KLHL7: variants seen among roughly 807,000 people sequenced by gnomAD.
KLHL7 encodes kelch-like protein 7.
KLHL7 carries 44 observed loss-of-function variants against 67.4 expected under a neutral mutation model. The observed-to-expected ratio is 0.65, with a 90% CI of 0.51 to 0.84. The LOEUF (loss-of-function observed/expected upper bound fraction) is 0.84, where lower values mean the gene tolerates loss of function less well. Ranked by LOEUF, KLHL7 falls within the 40% of genes least tolerant of loss-of-function variation. KLHL7 has a pLI of 0.00. For synonymous variants in KLHL7, 252 were observed against 243.3 expected, an observed-to-expected ratio of 1.04 and a Z score of -0.33; for missense variants, 362 against 718.1, an observed-to-expected ratio of 0.50 and a Z score of 5.67.
chr7:23,106,193 G>A (rs1392955963), intron 1 of KLHL7, 47 bp downstream of exon 1: 1 of 1,596,942 alleles, frequency 6.3e-7, no homozygotes, highest in Non-Finnish European at 8.5e-7. Flanking sequence ...GGTGGTCCGG[G>A]GCTCGGGCCC....
At chr7:23,124,327 A>G (rs921403937) in intron 2 of KLHL7, among the ~76,000 whole-genome samples, 1 of 151,658 alleles carries the variant, frequency 6.6e-6, no homozygotes, top group African/African-American at 2.4e-5. Context: ...TAGCTGTAGC[A>G]TATTGTGCCA....
intron 4 of KLHL7, among the ~76,000 whole-genome samples, chr7:23,128,422 T>TAAAAA (rs201757686): frequency 5.1e-5 from 6 of 116,862 alleles, no homozygotes; most frequent in Admixed American, 1.0e-4. Context: ...TCTTTGGGTT[T>TAAAAA]AAAAAAAAAA....
intron 4 of KLHL7, chr7:23,125,671 A>T (rs529479812): frequency 2.2e-6 from 3 of 1,382,874 alleles, no homozygotes; most frequent in Non-Finnish European, 2.8e-6. Context: ...ACTAGAAAAC[A>T]TAACCTTAGT....
At chr7:23,158,401 A>G (rs1445029376) in intron 7 of KLHL7, among the ~76,000 whole-genome samples, 2 of 152,292 alleles carry the variant, frequency 1.3e-5, no homozygotes, top group East Asian at 3.9e-4. Flanking sequence ...CATGTCACCA[A>G]TAATTAATAT....
intron 4 of KLHL7, among the ~76,000 whole-genome samples, chr7:23,125,557 G>T (rs966622000): frequency 7.9e-5 from 12 of 152,138 alleles, no homozygotes; most frequent in African/African-American, 2.9e-4. Flanking sequence ...CTTGCCAGAG[G>T]TCACATAGCT....
At chr7:23,145,385 G>A (rs1316185858) in intron 6 of KLHL7, among the ~76,000 whole-genome samples, 1 of 151,804 alleles carries the variant, frequency 6.6e-6, no homozygotes, top group Admixed American at 6.6e-5. Context: ...TCACTCTAAA[G>A]TAGTCTTTGT....
rs971721173 is a variant in KLHL7 at position 23,172,861 on chromosome 7, A to T, written c.1380-87A>T. ...ACACATATGTGAGTAGTAAATGAGC[A>T]CTTAATTAGAATAATAGACCTTTCT... On this transcript the variant is annotated intron_variant, in intron 9 of 10. Transcript: ENST00000339077. The T allele has an allele frequency of 7.2e-6, 7 of 967,608 alleles. No individual in the cohort carries two copies. The African/African-American group carries it at 1.1e-4, about 16-fold the overall frequency. 59.9% of individuals were successfully genotyped at this position (967,608 alleles called of 1,614,324 possible). A position where few individuals can be genotyped will look rare whatever the true frequency, so the allele number is the denominator to read the frequency against.
Position 23,105,966 on chromosome 7 carries a change from C to CA in KLHL7, c.-60dup. 6.3e-7 allele frequency: 1 copy of CA among 1,582,662 alleles called. No individual in the cohort carries two copies. Among genetic ancestry groups the CA allele is most frequent in the South Asian group, 1.2e-5 (1 of 86,840 alleles). On this transcript the variant is annotated 5_prime_UTR_variant, in exon 1 of 11. Transcript: ENST00000339077. Reference sequence around the variant, plus strand: ...TGGTCGATAGAATCCCCAGTGTGCCCAGAGAGTGCGACCCCTCGCCCGGCC... The same window carrying CA: ...TGGTCGATAGAATCCCCAGTGTGCCCAAGAGAGTGCGACCCCTCGCCCGGCC...
At chr7:23,152,932 C>G (rs995446402) in intron 7 of KLHL7, among the ~76,000 whole-genome samples, 1 of 152,144 alleles carries the variant, frequency 6.6e-6, no homozygotes, top group African/African-American at 2.4e-5. Context: ...GGATAACACC[C>G]CAAACTTGCA....
intron 2 of KLHL7, 30 bp downstream of exon 2, chr7:23,123,909 A>T: frequency 7.2e-7 from 1 of 1,386,336 alleles, no homozygotes; most frequent in Non-Finnish European, 1.0e-6. Flanking sequence ...ACATGCCATT[A>T]TTTCTTCTAT....
chr7:23,122,437 G>A (rs1460498545), intron 1 of KLHL7, among the ~76,000 whole-genome samples: 1 of 151,936 alleles, frequency 6.6e-6, no homozygotes, highest in East Asian at 1.9e-4. Context: ...AGTTAACTTG[G>A]TTATGCTACT....
intron 7 of KLHL7, among the ~76,000 whole-genome samples, chr7:23,155,338 T>TC: frequency 6.6e-6 from 1 of 152,068 alleles, no homozygotes; most frequent in East Asian, 1.9e-4. Flanking sequence ...ACTTTTTTTT[T>TC]CCCCAAAGAA....
In KLHL7 at chr7:23,125,188, T is replaced by C; in HGVS notation, c.442+16T>C. 2 of 1,611,860 alleles carry C rather than the reference T, an allele frequency of 1.2e-6. No homozygotes were observed. Among genetic ancestry groups the C allele is most frequent in the Non-Finnish European group, 1.7e-6 (2 of 1,178,508 alleles). On this transcript the variant is annotated intron_variant, in intron 4 of 10. Transcript: ENST00000339077. ...AATTGTCTTGGTAAGAAATATCAGA[T>C]TCCTGTTGTGTGTTTATTTTGTTTT...
Position 23,120,723 on chromosome 7 carries a change from C to A in KLHL7, c.121-3054C>A, listed in dbSNP as rs554912024. On this transcript the variant is annotated intron_variant, in intron 1 of 10. Coordinates refer to ENST00000339077, the MANE Select transcript of KLHL7 (RefSeq NM_001031710.3). ...CTGGGACTACAGGCATGTGCCATCA[C>A]ACCTGGTTAATTTTTTATTTTTAGT... 3.3e-3 allele frequency among the ~76,000 whole-genome samples: 509 copies of A among 152,216 alleles called. 4 individuals are homozygous for A. The highest frequency in any genetic ancestry group is 0.012 in the African/African-American group (481 of 41,516).
At chr7:23,156,718 AC>A (rs1017398759) in intron 7 of KLHL7, among the ~76,000 whole-genome samples, 4 of 152,168 alleles carry the variant, frequency 2.6e-5, no homozygotes, top group Non-Finnish European at 5.9e-5. Flanking sequence ...ACTATGTGGC[AC>A]CCTATTCATG....
chr7:23,130,215 T>A (rs28706766), intron 4 of KLHL7, among the ~76,000 whole-genome samples: 81,058 of 152,122 alleles, frequency 0.53, 24,859 homozygotes, highest in African/African-American at 0.86. Context: ...AAATTTTCAT[T>A]TTTTTCTGGA....
Position 23,140,551 on chromosome 7 carries a change from C to A in KLHL7, c.443-218C>A. ...CAGCCTGGGCGATGGAGCGAGACTC[C>A]GTCTCAAAAAACAAAAAAACAAAAA... On this transcript the variant is annotated intron_variant, in intron 4 of 10. Transcript: ENST00000339077. The A allele has an allele frequency of 7.2e-6, 4 of 557,968 alleles. 1 individual carries two copies. Among genetic ancestry groups the A allele is most frequent in the South Asian group, 5.2e-5 (3 of 57,422 alleles). The allele number at this position is 557,968 out of a possible 1,614,324, so 34.6% of individuals were successfully genotyped here.
chr7:23,172,078 C>T (rs1277853521), intron 9 of KLHL7: 1 of 439,104 alleles, frequency 2.3e-6, no homozygotes, highest in Non-Finnish European at 4.5e-6. Flanking sequence ...GCCAAGTTTC[C>T]CTTTTGTTGT....
At chr7:23,130,907 A>ATT (rs1783776107) in intron 4 of KLHL7, among the ~76,000 whole-genome samples, 1 of 152,248 alleles carries the variant, frequency 6.6e-6, no homozygotes, top group Admixed American at 6.5e-5. Flanking sequence ...CCTTTGCATA[A>ATT]CAAACACAAT....
Sources: gnomAD v4.1 joint callset for allele counts (sites outside exome capture counted in the v4.1 genomes callset) on GRCh38, gnomAD v4.1.1 for gene constraint, MANE v1.5 for transcripts, NCBI Gene and HGNC (gene_info 2026-07-23, HGNC 2026-07-21) for gene names.